The following TULP4 variants were observed in gnomAD, a reference collection of about 807,000 sequenced individuals.
TULP4 encodes tubby-related protein 4.
In TULP4, 16 loss-of-function variants were observed where a neutral mutation model predicts 129.0. The observed-to-expected ratio is 0.12, with a 90% CI of 0.08 to 0.19. The LOEUF is 0.19. Among genes scored for constraint, TULP4 ranks in the 10% least tolerant of loss-of-function variants. TULP4 has a pLI of 1.00. For missense variants in TULP4, 1,842 were observed against 2,059.1 expected, an observed-to-expected ratio of 0.89 and a Z score of 2.04; for synonymous variants, 998 against 854.0, an observed-to-expected ratio of 1.17 and a Z score of -2.94.
upstream of TULP4, among the ~76,000 whole-genome samples, chr6:158,279,134 G>C (rs1778702062): frequency 6.6e-6 from 1 of 151,760 alleles, no homozygotes. Flanking sequence ...AGTAGAGACA[G>C]GGTTTCACCA....
upstream of TULP4, among the ~76,000 whole-genome samples, chr6:158,281,524 G>C (rs527733033): frequency 6.6e-6 from 1 of 152,322 alleles, no homozygotes; most frequent in East Asian, 1.9e-4. Flanking sequence ...TTAGCCAGAA[G>C]GGTTGATGGG....
chr6:158,363,032 A>T (rs1780834221), intron 1 of TULP4, among the ~76,000 whole-genome samples: 1 of 138,754 alleles, frequency 7.2e-6, no homozygotes, highest in African/African-American at 2.7e-5. Context: ...TCTGCACTCT[A>T]GCCTGGGGGG....
At chr6:158,315,971 C>G (rs1025928137) in intron 1 of TULP4, among the ~76,000 whole-genome samples, 1 of 152,232 alleles carries the variant, frequency 6.6e-6, no homozygotes, top group Admixed American at 6.5e-5. Flanking sequence ...TGGAAACATT[C>G]AGATCCTAGC....
chr6:158,414,680 C>CT (rs1291972586), intron 2 of TULP4, among the ~76,000 whole-genome samples: 5 of 152,160 alleles, frequency 3.3e-5, no homozygotes, highest in Non-Finnish European at 5.9e-5. Context: ...CTTCCATTAA[C>CT]TAAAGCATGG....
intron 1 of TULP4, among the ~76,000 whole-genome samples, chr6:158,348,859 A>G (rs1216522800): frequency 6.0e-5 from 8 of 132,500 alleles, no homozygotes; most frequent in South Asian, 2.5e-4. Flanking sequence ...GGTGCTCCTC[A>G]CTTCCCAGAT....
chr6:158,253,520 A>C (rs1778183824), intron 1 of TULP4, among the ~76,000 whole-genome samples: 1 of 152,076 alleles, frequency 6.6e-6, no homozygotes, highest in Admixed American at 6.5e-5. Context: ...TGGTCAAAAG[A>C]GCATTAGCAG....
At chr6:158,389,269 G>C (rs1391272397) in intron 1 of TULP4, among the ~76,000 whole-genome samples, 2 of 152,128 alleles carry the variant, frequency 1.3e-5, no homozygotes, top group African/African-American at 4.8e-5. Context: ...GGGAAACATG[G>C]GTGAAACCCC....
chr6:158,311,243 C>G (rs942962760), upstream of TULP4, among the ~76,000 whole-genome samples: 1 of 152,202 alleles, frequency 6.6e-6, no homozygotes, highest in African/African-American at 2.4e-5. Flanking sequence ...GGGCCCTTCC[C>G]TTCCCTTTCA....
chr6:158,429,780 T>A lies in TULP4; in HGVS notation c.426T>A (p.Ile142=). ...GCCATGATGGAACTCAAGCACTTATTTCCTATCGAGATGGGTTTGTCCTGG... is the reference window on the plus strand; with the variant it reads ...GCCATGATGGAACTCAAGCACTTATATCCTATCGAGATGGGTTTGTCCTGG... ...TWSHDGTQAL[I]SYRDGFVLVG... Residue 142 remains isoleucine (I), a synonymous_variant, in exon 3 of 14, where the codon ATT becomes ATA. Coordinates refer to ENST00000367097, the MANE Select transcript of TULP4 (RefSeq NM_020245.5). The A allele has an allele frequency of 6.2e-7, 1 of 1,614,050 alleles. No homozygotes were observed. The highest frequency in any genetic ancestry group is 8.5e-7 in the Non-Finnish European group (1 of 1,179,948).
chr6:158,469,867 C>A (rs545723471), intron 6 of TULP4, among the ~76,000 whole-genome samples: 1 of 151,906 alleles, frequency 6.6e-6, no homozygotes, highest in East Asian at 1.9e-4. Flanking sequence ...AGAGCTGTTA[C>A]CAGGGGTCCT....
intron 1 of TULP4, among the ~76,000 whole-genome samples, chr6:158,261,677 G>A (rs532639638): frequency 1.3e-5 from 2 of 152,262 alleles, no homozygotes; most frequent in South Asian, 2.1e-4. Context: ...AAACTCAGGC[G>A]GCTCATACAA....
At chr6:158,454,019 CCG>C (rs56046745) in intron 5 of TULP4, among the ~76,000 whole-genome samples, 24,259 of 66,092 alleles carry the variant, frequency 0.37, 3,304 homozygotes, top group Middle Eastern at 0.4. Context: ...TGCCTCTGCA[CCG>C]CCCCCCCCCA....
intron 1 of TULP4, among the ~76,000 whole-genome samples, chr6:158,331,309 G>GT (rs2128492022): frequency 6.6e-6 from 1 of 152,218 alleles, no homozygotes; most frequent in Non-Finnish European, 1.5e-5. Flanking sequence ...AGAGCCTCCT[G>GT]TTGTTCCCTA....
rs372165583 is a variant in TULP4 at position 158,501,846 on chromosome 6, C to T, written c.2183C>T (p.Thr728Met). 62 of 1,614,124 alleles carry T rather than the reference C, an allele frequency of 3.8e-5. No homozygotes were observed. Among genetic ancestry groups the T allele is most frequent in the South Asian group, 1.3e-4 (12 of 91,084 alleles). Residue 728 changes from threonine to methionine, a missense_variant, in exon 13 of 14, where the codon ACG (threonine) becomes ATG (methionine). Around this residue, in one of 5 missense-constraint regions of TULP4, gnomAD observed 1,089 missense variants for 987.1 expected, o/e 1.10. Coordinates refer to ENST00000367097, the MANE Select transcript of TULP4 (RefSeq NM_020245.5). ...NVQLDVLTNQ[T>M]TAVGTAEHAG... ...CAGCTAGATGTCCTGACCAACCAGACGACAGCTGTAGGGACAGCAGAACAT... is the reference window on the plus strand; with the variant it reads ...CAGCTAGATGTCCTGACCAACCAGATGACAGCTGTAGGGACAGCAGAACAT...
intron 1 of TULP4, among the ~76,000 whole-genome samples, chr6:158,248,446 A>AT (rs150992033): frequency 0.33 from 49,871 of 151,726 alleles, 9,179 homozygotes; most frequent in Admixed American, 0.45. Context: ...ATTTTTTTGT[A>AT]TTTTAGTAGA....
intron 1 of TULP4, among the ~76,000 whole-genome samples, chr6:158,240,622 A>T (rs1157153399): frequency 1.2e-5 from 1 of 84,910 alleles, no homozygotes. Flanking sequence ...CTCACCTCCC[A>T]GACGGGGCGG....
intron 5 of TULP4, among the ~76,000 whole-genome samples, chr6:158,454,375 T>C (rs900906467): frequency 2.0e-5 from 3 of 152,192 alleles, no homozygotes; most frequent in African/African-American, 7.2e-5. Flanking sequence ...AAAATTCTAT[T>C]TTTAAACCTT....
intron 1 of TULP4, among the ~76,000 whole-genome samples, chr6:158,297,061 A>C (rs376909849): frequency 3.7e-4 from 56 of 152,262 alleles, no homozygotes; most frequent in African/African-American, 1.3e-3. Flanking sequence ...GCCTGAGGGT[A>C]CTGCAGGAGA....
intron 13 of TULP4, among the ~76,000 whole-genome samples, chr6:158,506,222 CTTTTT>C (rs61292138): frequency 1.8e-5 from 1 of 55,498 alleles, no homozygotes; most frequent in Non-Finnish European, 3.3e-5. Flanking sequence ...TCGCCTTGTT[CTTTTT>C]TTTTTTTTTT....
Sources: allele counts gnomAD v4.1 joint callset (sites outside exome capture counted in the v4.1 genomes callset), GRCh38; gene constraint gnomAD v4.1.1; regional missense constraint gnomAD v4.1.1; transcripts MANE v1.5; gene names NCBI Gene and HGNC (gene_info 2026-07-23, HGNC 2026-07-21).